Variants in RANBP2 observed in about 807,000 individuals in gnomAD.
The protein encoded by RANBP2 is E3 SUMO-protein ligase RanBP2.
RANBP2 carries 57 observed loss-of-function variants against 303.6 expected under a neutral mutation model. That is an observed-to-expected ratio of 0.19 (90% confidence interval 0.15 to 0.23). RANBP2 has a LOEUF of 0.23. Ranked by LOEUF, RANBP2 falls within the 10% of genes least tolerant of loss-of-function variation. RANBP2 has a pLI of 1.00. For missense variants in RANBP2, 3,138 were observed against 3,780.8 expected (o/e 0.83, Z 4.46); for synonymous variants, 1,167 against 1,301.5 (o/e 0.90, Z 2.23).
the RANBP2 span, among the ~76,000 whole-genome samples, chr2:108,806,327 G>T: frequency 6.6e-6 from 1 of 152,160 alleles, no homozygotes; most frequent in African/African-American, 2.4e-5. Flanking sequence ...TATCTCTTAG[G>T]TTTCTGTAAT....
the RANBP2 span, among the ~76,000 whole-genome samples, chr2:109,233,341 A>C: frequency 6.6e-6 from 1 of 152,058 alleles, no homozygotes; most frequent in East Asian, 1.9e-4. Context: ...AGAGAGTGGG[A>C]AGATAATCTT....
the RANBP2 span, among the ~76,000 whole-genome samples, chr2:108,998,518 C>T: frequency 1.3e-5 from 2 of 152,228 alleles, no homozygotes; most frequent in Non-Finnish European, 1.5e-5. Context: ...AGGACCACCA[C>T]TAATCCTCCT....
chr2:109,050,473 T>C, the RANBP2 span, among the ~76,000 whole-genome samples: 1 of 152,140 alleles, frequency 6.6e-6, no homozygotes, highest in African/African-American at 2.4e-5. Flanking sequence ...CAGGCTGGTT[T>C]CAAACTCCTG....
the RANBP2 span, among the ~76,000 whole-genome samples, chr2:108,877,706 A>T: frequency 1.1e-4 from 17 of 152,192 alleles, no homozygotes; most frequent in Non-Finnish European, 2.5e-4. Flanking sequence ...AGTGGAGCGG[A>T]AGCAATATTC....
the RANBP2 span, among the ~76,000 whole-genome samples, chr2:109,132,890 C>A: frequency 2.6e-5 from 4 of 152,182 alleles, no homozygotes; most frequent in African/African-American, 9.7e-5. Flanking sequence ...TTGAGTAATT[C>A]AAAACATGCT....
chr2:109,433,000 A>G, the RANBP2 span, among the ~76,000 whole-genome samples: 1 of 152,250 alleles, frequency 6.6e-6, no homozygotes, highest in Admixed American at 6.5e-5. Context: ...GCACATATAT[A>G]CAGTGTGTTC....
chr2:108,944,053 T>C, the RANBP2 span, among the ~76,000 whole-genome samples: 1 of 152,226 alleles, frequency 6.6e-6, no homozygotes, highest in African/African-American at 2.4e-5. Flanking sequence ...CACAGGCAAT[T>C]GCTATCCAGC....
At chr2:109,113,272 A>C in the RANBP2 span, among the ~76,000 whole-genome samples, 1 of 152,252 alleles carries the variant, frequency 6.6e-6, no homozygotes, top group East Asian at 1.9e-4. Context: ...ATGAGCATGG[A>C]ATGTTCTTCC....
the RANBP2 span, among the ~76,000 whole-genome samples, chr2:109,348,536 G>A: frequency 6.6e-6 from 1 of 152,238 alleles, no homozygotes; most frequent in African/African-American, 2.4e-5. Context: ...TGGGTGAGGT[G>A]CAGAAGAGAC....
chr2:108,857,118 C>T, the RANBP2 span: 12 of 399,988 alleles, frequency 3.0e-5, no homozygotes, highest in East Asian at 1.4e-4. Context: ...CTCGCTTTGT[C>T]GTCAAGCTGG....
chr2:109,631,864 T>C, the RANBP2 span, among the ~76,000 whole-genome samples: 1 of 151,582 alleles, frequency 6.6e-6, no homozygotes, highest in Admixed American at 6.6e-5. Flanking sequence ...ACCCTTGGGG[T>C]TTTTTGAGTG....
chr2:109,440,849 A>G, the RANBP2 span, among the ~76,000 whole-genome samples: 1 of 152,184 alleles, frequency 6.6e-6, no homozygotes, highest in Non-Finnish European at 1.5e-5. Flanking sequence ...TGAGAAACGT[A>G]CCCAAAGCCA....
the RANBP2 span, among the ~76,000 whole-genome samples, chr2:109,700,435 G>T: frequency 6.6e-6 from 1 of 152,170 alleles, no homozygotes; most frequent in Non-Finnish European, 1.5e-5. Context: ...GTCTGGAAAT[G>T]TGGACAACTG....
the RANBP2 span, among the ~76,000 whole-genome samples, chr2:109,076,936 G>A: frequency 2.0e-4 from 30 of 150,444 alleles, no homozygotes; most frequent in African/African-American, 6.3e-4. Flanking sequence ...AATAGCTAAG[G>A]CAATCTGGAG....
chr2:109,284,076 C>T, the RANBP2 span, among the ~76,000 whole-genome samples: 1 of 152,120 alleles, frequency 6.6e-6, no homozygotes, highest in Non-Finnish European at 1.5e-5. Flanking sequence ...CTTGTCCTGC[C>T]CCCTGGCCTT....
the RANBP2 span, chr2:108,876,318 T>A: frequency 2.3e-6 from 2 of 882,374 alleles, no homozygotes; most frequent in Non-Finnish European, 3.4e-6. Context: ...ATTACCAAAG[T>A]AACTACAATT....
At chr2:109,314,983 C>T in the RANBP2 span, among the ~76,000 whole-genome samples, 1 of 152,212 alleles carries the variant, frequency 6.6e-6, no homozygotes, top group East Asian at 1.9e-4. Flanking sequence ...CCCCAGCAGG[C>T]ATTCCAGAGC....
At chr2:109,198,861 A>C in the RANBP2 span, among the ~76,000 whole-genome samples, 1 of 152,210 alleles carries the variant, frequency 6.6e-6, no homozygotes, top group Non-Finnish European at 1.5e-5. Context: ...GGATGTGACT[A>C]TACTGAACAC....
the RANBP2 span, among the ~76,000 whole-genome samples, chr2:108,866,865 A>G: frequency 6.6e-6 from 1 of 151,998 alleles, no homozygotes; most frequent in African/African-American, 2.4e-5. Flanking sequence ...CCTGGGCGAC[A>G]GAGTAAGACT....
Sources: allele counts gnomAD v4.1 joint callset (sites outside exome capture counted in the v4.1 genomes callset), GRCh38; gene constraint gnomAD v4.1.1; transcripts MANE v1.5; gene names NCBI Gene and HGNC (gene_info 2026-07-23, HGNC 2026-07-21).